The following EIF4G3 variants were observed in gnomAD, a reference collection of about 807,000 sequenced individuals.
EIF4G3 encodes the protein eIF-4-gamma 3.
A neutral mutation model predicts 186.4 loss-of-function variants in EIF4G3; 34 were observed. The observed-to-expected ratio is 0.18, with a 90% CI of 0.14 to 0.24. The LOEUF is 0.24. Among genes scored for constraint, EIF4G3 ranks in the 10% least tolerant of loss-of-function variants. EIF4G3 has a pLI of 1.00. For synonymous variants in EIF4G3, 673 were observed against 679.5 expected (o/e 0.99, Z 0.15); for missense variants, 1,536 against 1,948.5 (o/e 0.79, Z 3.99).
At chr1:21,005,449 G>A (rs961516120) in intron 4 of EIF4G3, among the ~76,000 whole-genome samples, 1 of 152,090 alleles carries the variant, frequency 6.6e-6, no homozygotes, top group Non-Finnish European at 1.5e-5. Flanking sequence ...AAAACATAAA[G>A]AAATGTTACC....
rs116757195 is a variant in EIF4G3, at chr1:21,162,798, T to C, written c.-272+13377A>G. ...ATTCCTAATTGTCTAAGCTATGTAA[T>C]GGTTACCAGGTGGGGGTATCCATAT... is the stretch of plus-strand genomic sequence containing the variant. On this transcript the variant is annotated intron_variant, in intron 2 of 36. Coordinates refer to ENST00000602326, the MANE Select transcript of EIF4G3 (RefSeq NM_001391906.1). Among the ~76,000 whole-genome samples, 418 of 152,268 alleles carry C rather than the reference T, an allele frequency of 2.7e-3. 1 individual carries two copies. The highest frequency in any genetic ancestry group is 4.8e-3 in the Non-Finnish European group (324 of 68,008).
Position 20,860,531 on chromosome 1 carries a change from A to C in EIF4G3, c.3112-14T>G. The C allele has an allele frequency of 6.2e-7, 1 of 1,606,834 alleles. No homozygotes were observed. On this transcript the variant is annotated splice_polypyrimidine_tract_variant and intron_variant, in intron 23 of 36. Transcript: ENST00000602326. ...TACCCAATTGCACTATAAAAGCAGA[A>C]AATAAGGTTATCTGCCAGATAAACT...
At position 21,037,564 on chromosome 1, in the gene EIF4G3, T is replaced by G. The variant is rs538603945; in HGVS notation, c.-67+13302A>C. On this transcript the variant is annotated intron_variant, in intron 4 of 36. Transcript: ENST00000602326. The stretch of plus-strand genomic sequence containing the variant: ...GTTCTATCACCAAAATAAATTGGCA[T>G]ATAAAATCAATACCGTAAAAACCTT... Among the ~76,000 whole-genome samples the G allele has an allele frequency of 1.2e-4, 19 of 152,282 alleles. No homozygotes were observed. The South Asian group carries it at 2.7e-3, about 22-fold the overall frequency.
chr1:20,813,398 TAAAAAAA>T (rs11303095), intron 34 of EIF4G3, among the ~76,000 whole-genome samples, 159 bp from the exon 35 acceptor site: 1 of 81,824 alleles, frequency 1.2e-5, no homozygotes, highest in Non-Finnish European at 2.2e-5. Flanking sequence ...CCCTATCTCT[TAAAAAAA>T]AAAAAAAAAA....
chr1:20,835,942 G>GAA (rs59656819), intron 30 of EIF4G3, among the ~76,000 whole-genome samples: 182 of 137,368 alleles, frequency 1.3e-3, no homozygotes, highest in East Asian at 2.7e-3. Flanking sequence ...ATCTCAGAGA[G>GAA]AAAAAAAAAA....
chr1:21,019,052 A>T (rs564216996), intron 4 of EIF4G3, among the ~76,000 whole-genome samples: 1 of 152,086 alleles, frequency 6.6e-6, no homozygotes, highest in East Asian at 1.9e-4. Context: ...AACAGGTCTC[A>T]CTCTGTTGCC....
chr1:20,998,986 T>A (rs1252996349), intron 6 of EIF4G3: 4 of 244,038 alleles, frequency 1.6e-5, no homozygotes, highest in South Asian at 1.3e-4. Context: ...AGCATTTAAG[T>A]TATGTGCAAT....
At chr1:21,143,609 A>G (rs1397609479) in intron 2 of EIF4G3, among the ~76,000 whole-genome samples, 1 of 152,194 alleles carries the variant, frequency 6.6e-6, no homozygotes, top group Non-Finnish European at 1.5e-5. Context: ...CACAAAATAA[A>G]TTTCATTATA....
intron 7 of EIF4G3, among the ~76,000 whole-genome samples, chr1:20,989,042 A>AGAGAGGAGAG (rs1558588533): frequency 1.1e-4 from 4 of 37,906 alleles, no homozygotes; most frequent in African/African-American, 4.5e-4. Context: ...TCCCCCAAAA[A>AGAGAGGAGAG]GAGAGGAGAG....
At chr1:20,986,552 T>C (rs2154567280) in intron 7 of EIF4G3, among the ~76,000 whole-genome samples, 1 of 152,070 alleles carries the variant, frequency 6.6e-6, no homozygotes, top group Middle Eastern at 3.4e-3. Context: ...TGACCCATCC[T>C]GGCTAACAAG....
At chr1:21,008,755 T>C (rs528124422) in intron 4 of EIF4G3, among the ~76,000 whole-genome samples, 4 of 152,310 alleles carry the variant, frequency 2.6e-5, no homozygotes. Flanking sequence ...CAGAAGAACA[T>C]TTAATGACAT....
At chr1:21,142,440 G>T (rs997812124) in intron 2 of EIF4G3, among the ~76,000 whole-genome samples, 2 of 152,124 alleles carry the variant, frequency 1.3e-5, no homozygotes, top group African/African-American at 4.8e-5. Context: ...CTGGATGGTG[G>T]AAGTTGCAGT....
At chr1:20,994,436 A>G (rs1225392971) in intron 7 of EIF4G3, among the ~76,000 whole-genome samples, 1 of 152,184 alleles carries the variant, frequency 6.6e-6, no homozygotes, top group Non-Finnish European at 1.5e-5. Context: ...TGATATGATG[A>G]AAAGAATTTA....
intron 2 of EIF4G3, among the ~76,000 whole-genome samples, chr1:21,116,902 T>G (rs2096835038): frequency 6.6e-6 from 1 of 151,830 alleles, no homozygotes; most frequent in Admixed American, 6.6e-5. Context: ...TCTGTTATAT[T>G]ATTTTTATAA....
intron 2 of EIF4G3, among the ~76,000 whole-genome samples, chr1:21,115,532 A>AAAC (rs761671597): frequency 7.2e-5 from 11 of 152,196 alleles, no homozygotes; most frequent in Non-Finnish European, 1.6e-4. Flanking sequence ...GTTAGGAAAC[A>AAAC]AACAAACAAG....
chr1:20,965,519 T>G (rs1443243954), intron 12 of EIF4G3, among the ~76,000 whole-genome samples: 1 of 152,212 alleles, frequency 6.6e-6, no homozygotes, highest in Non-Finnish European at 1.5e-5. Context: ...AGTTAGTAAC[T>G]AATTGCTAAA....
At position 21,176,205 on chromosome 1, in the gene EIF4G3, A is replaced by C; in HGVS notation, c.-302T>G. The C allele has an allele frequency of 2.4e-6, 1 of 417,856 alleles. No homozygotes were observed. The highest frequency in any genetic ancestry group is 4.2e-6 in the Non-Finnish European group (1 of 239,156). 25.9% of individuals were successfully genotyped at this position (417,856 alleles called of 1,614,324 possible). ...GGGCGCCTGAGTCTGGAGGGCCCTGATGTTCGGGTGAGGAGGGGGGACCGC... is the reference window on the plus strand; with the variant it reads ...GGGCGCCTGAGTCTGGAGGGCCCTGCTGTTCGGGTGAGGAGGGGGGACCGC... On this transcript the variant is annotated 5_prime_UTR_variant, in exon 2 of 37. Transcript: ENST00000602326.
intron 3 of EIF4G3, among the ~76,000 whole-genome samples, chr1:21,074,504 TATC>T (rs1248888498): frequency 6.6e-5 from 10 of 152,194 alleles, no homozygotes; most frequent in Non-Finnish European, 1.5e-4. Context: ...TATGGTCAGT[TATC>T]ATTCATAAAT....
chr1:21,042,367 A>C (rs542348574), intron 4 of EIF4G3, among the ~76,000 whole-genome samples: 132 of 152,310 alleles, frequency 8.7e-4, no homozygotes, highest in Non-Finnish European at 1.7e-3. Flanking sequence ...TTTAAATATA[A>C]CTAAGTTAAT....
Sources: allele counts gnomAD v4.1 joint callset (sites outside exome capture counted in the v4.1 genomes callset), GRCh38; gene constraint gnomAD v4.1.1; transcripts MANE v1.5; gene names NCBI Gene and HGNC (gene_info 2026-07-23, HGNC 2026-07-21).